The following ANKDD1A variants were observed in gnomAD, a reference collection of about 807,000 sequenced individuals.
ANKDD1A encodes the protein ankyrin repeat and death domain-containing protein 1A.
ANKDD1A carries 59 observed loss-of-function variants against 63.5 expected under a neutral mutation model. The observed-to-expected ratio is 0.93, with a 90% CI of 0.75 to 1.15. The LOEUF (loss-of-function observed/expected upper bound fraction) is 1.15, where lower values mean the gene tolerates loss of function less well. ANKDD1A is among the 50% of genes most tolerant of loss of function. The probability of loss-of-function intolerance (pLI) is 0.00; values close to 1 mark genes in which losing one functional copy is unlikely to be tolerated. For missense variants in ANKDD1A, 632 were observed against 656.4 expected (o/e 0.96, Z 0.41); for synonymous variants, 266 against 263.9 (o/e 1.01, Z -0.08).
intron 14 of ANKDD1A, among the ~76,000 whole-genome samples, chr15:64,954,873 TC>T (rs2085400493): frequency 3.8e-4 from 10 of 26,620 alleles, no homozygotes; most frequent in Non-Finnish European, 2.4e-3. Flanking sequence ...CTCCTTTTCT[TC>T]TTCCTTCTCC....
chr15:64,921,243 G>A (rs949228292), intron 3 of ANKDD1A, among the ~76,000 whole-genome samples: 2 of 152,230 alleles, frequency 1.3e-5, no homozygotes, highest in African/African-American at 4.8e-5. Context: ...GGGATTACAG[G>A]TGTGAACCAC....
rs141201750 is a variant in ANKDD1A, at chr15:64,952,531, T to G, written c.1483+2559T>G. ...CTTCTTACTTTCTTCTTCCTTCGTC[T>G]TCTTCTCCTTCTCCTCCTCCTTCCT... On this transcript the variant is annotated intron_variant, in intron 14 of 14. Transcript: ENST00000319580. Among the ~76,000 whole-genome samples, 788 of 149,892 alleles carry G rather than the reference T, an allele frequency of 5.3e-3. 10 individuals are homozygous for G. Among genetic ancestry groups the G allele is most frequent in the Admixed American group, 0.015 (220 of 15,022 alleles).
At chr15:64,950,553 A>G in intron 14 of ANKDD1A, 2 of 985,454 alleles carry the variant, frequency 2.0e-6, no homozygotes, top group Non-Finnish European at 2.4e-6. Flanking sequence ...AAACGCTGTG[A>G]TACCCACTGA....
chr15:64,936,279 A>C (rs2085131410), intron 9 of ANKDD1A, among the ~76,000 whole-genome samples: 1 of 152,060 alleles, frequency 6.6e-6, no homozygotes, highest in Admixed American at 6.6e-5. Context: ...AAATAGTATC[A>C]CCTCCAGCTA....
intron 14 of ANKDD1A, chr15:64,950,239 T>C (rs2085258863): frequency 3.0e-6 from 3 of 985,386 alleles, no homozygotes; most frequent in Non-Finnish European, 3.6e-6. Context: ...CTGTCCATAA[T>C]CTCTTCCTTA....
At chr15:64,956,094 T>G (rs1169694924) in intron 14 of ANKDD1A, among the ~76,000 whole-genome samples, 1 of 151,972 alleles carries the variant, frequency 6.6e-6, no homozygotes, top group Non-Finnish European at 1.5e-5. Context: ...CAGGATAAAT[T>G]AAGTGGAAAA....
At position 64,926,177 on chromosome 15, in the gene ANKDD1A, G is replaced by C. The variant is rs538127589; in HGVS notation, c.471+7G>C. 4 of 1,613,158 alleles carry C rather than the reference G, an allele frequency of 2.5e-6. No individual in the cohort carries two copies. Among genetic ancestry groups the C allele is most frequent in the Non-Finnish European group, 3.4e-6 (4 of 1,179,590 alleles). On this transcript the variant is annotated splice_region_variant and intron_variant, in intron 5 of 14. Coordinates refer to ENST00000319580, the MANE Select transcript of ANKDD1A (RefSeq NM_182703.6). ...CCTGGACCACGTAGACAAGGTGAGA[G>C]TGCCTCAGGGCTACTCATCATTCCC... is the stretch of plus-strand genomic sequence containing the variant.
chr15:64,938,441 A>T (rs1356687916), intron 9 of ANKDD1A, among the ~76,000 whole-genome samples: 1 of 152,186 alleles, frequency 6.6e-6, no homozygotes, highest in Non-Finnish European at 1.5e-5. Flanking sequence ...TCCTCCCCCA[A>T]ACTCCTAACC....
chr15:64,914,808 A>C (rs1010480702), intron 1 of ANKDD1A, among the ~76,000 whole-genome samples: 2 of 139,184 alleles, frequency 1.4e-5, no homozygotes, highest in Non-Finnish European at 3.0e-5. Flanking sequence ...TGGCTCAGAG[A>C]CTAATGCAGT....
At chr15:64,944,868 A>G (rs563933607) in intron 12 of ANKDD1A, 121 bp downstream of exon 12, 1 of 869,332 alleles carries the variant, frequency 1.2e-6, no homozygotes, top group African/African-American at 1.7e-5. Flanking sequence ...CAAGCAGGTG[A>G]TAATCACCAC....
intron 14 of ANKDD1A, among the ~76,000 whole-genome samples, chr15:64,951,720 C>CGTTCTTCCTTTCTTTTTTCTTT (rs1276132353): frequency 1.4e-4 from 19 of 136,354 alleles, no homozygotes; most frequent in East Asian, 6.5e-4. Context: ...TCTTTTTCTT[C>CGTTCTTCCTTTCTTTTTTCTTT]CCTTTTCTTC....
In ANKDD1A at chr15:64,949,693, G is replaced by C. The variant is rs532723969; in HGVS notation, c.1352-148G>C. 5 of 1,207,628 alleles carry C rather than the reference G, an allele frequency of 4.1e-6. No individual in the cohort carries two copies. In the African/African-American group the frequency reaches 6.1e-5, roughly 15 times the overall value. 74.8% of individuals were successfully genotyped at this position (1,207,628 alleles called of 1,614,324 possible). On this transcript the variant is annotated intron_variant, in intron 13 of 14. Transcript: ENST00000319580. ...CCTATCTCCAGGCTGAGCTTGGCTG[G>C]AGCATGGAGAAGGGCCTTGGAGGCT...
intron 14 of ANKDD1A, among the ~76,000 whole-genome samples, chr15:64,952,934 TTCC>T (rs1219579148): frequency 2.2e-4 from 14 of 63,596 alleles, no homozygotes; most frequent in Admixed American, 3.3e-4. Context: ...TTAGTTCTTC[TTCC>T]TCTTCTTCCT....
chr15:64,916,488 G>A (rs1040961892), intron 2 of ANKDD1A, among the ~76,000 whole-genome samples: 1 of 152,056 alleles, frequency 6.6e-6, no homozygotes, highest in African/African-American at 2.4e-5. Flanking sequence ...ACCATGCCAA[G>A]CTAATTTTTG....
chr15:64,948,372 T>G (rs2085240480), intron 13 of ANKDD1A, among the ~76,000 whole-genome samples: 1 of 152,214 alleles, frequency 6.6e-6, no homozygotes, highest in East Asian at 1.9e-4. Context: ...TTGATCTAAT[T>G]TTAATCAAAA....
chr15:64,952,056 TTAG>T (rs1313219950), intron 14 of ANKDD1A, among the ~76,000 whole-genome samples: 2 of 115,444 alleles, frequency 1.7e-5, no homozygotes, highest in African/African-American at 6.3e-5. Flanking sequence ...TTTCTTCTTC[TTAG>T]TTCTTCCTTT....
At chr15:64,954,023 T>TCTTG (rs2085370431) in intron 14 of ANKDD1A, among the ~76,000 whole-genome samples, 2 of 134,950 alleles carry the variant, frequency 1.5e-5, no homozygotes, top group Admixed American at 7.6e-5. Flanking sequence ...TCTTTCCTCT[T>TCTTG]CTTTTCTTTC....
chr15:64,942,397 C>A, intron 9 of ANKDD1A, 70 bp from the exon 10 acceptor site: 1 of 1,265,868 alleles, frequency 7.9e-7, no homozygotes, highest in South Asian at 1.4e-5. Context: ...CCTCCTGTCC[C>A]CAGCACCAGC....
intron 7 of ANKDD1A, 63 bp from the exon 8 acceptor site, chr15:64,931,424 G>A: frequency 6.6e-7 from 1 of 1,515,848 alleles, no homozygotes; most frequent in Admixed American, 1.9e-5. Context: ...CTCACCGTGG[G>A]ATTGGGGGTC....
Sources: allele counts gnomAD v4.1 joint callset (sites outside exome capture counted in the v4.1 genomes callset), GRCh38; gene constraint gnomAD v4.1.1; transcripts MANE v1.5; gene names NCBI Gene and HGNC (gene_info 2026-07-23, HGNC 2026-07-21).